The following BCAS3 variants were observed in gnomAD, a reference collection of about 807,000 sequenced individuals.
The protein encoded by BCAS3 is BCAS4/BCAS3 fusion.
BCAS3 carries 53 observed loss-of-function variants against 116.1 expected under a neutral mutation model. The ratio of observed to expected loss-of-function variants is 0.46; its 90% CI spans 0.37 to 0.57. The LOEUF (loss-of-function observed/expected upper bound fraction) is 0.57. BCAS3 is among the 20% of genes least tolerant of loss of function. The pLI, the probability that BCAS3 is intolerant of heterozygous loss-of-function variation, is 0.00. For missense variants in BCAS3, 917 were observed against 1,165.4 expected (o/e 0.79, Z 3.10); for synonymous variants, 391 against 408.2 (o/e 0.96, Z 0.51).
At position 61,239,717 on chromosome 17, in the gene BCAS3, A is replaced by G. The variant is rs1568643761; in HGVS notation, c.2426-128610A>G. On this transcript the variant is annotated intron_variant, in intron 22 of 23. Transcript: ENST00000407086. This position sits in a 1 kb window ranked among gnomAD's most constrained non-coding sequence, Gnocchi z 4.2. ...TAGTTTTTTCCTACTTAAAATTAAG[A>G]ACTTAAAGATTTTAATCAAGATAAT... Among the ~76,000 whole-genome samples the G allele has an allele frequency of 6.6e-6, 1 of 152,236 alleles. No homozygotes were observed. The highest frequency in any genetic ancestry group is 1.5e-5 in the Non-Finnish European group (1 of 68,042).
Position 60,874,739 on chromosome 17 carries a change from G to C in BCAS3, c.661+1G>C. 6.2e-7 allele frequency: 1 copy of C among 1,603,772 alleles called. No homozygotes were observed. The highest frequency in any genetic ancestry group is 8.5e-7 in the Non-Finnish European group (1 of 1,173,658). ...TTCACGAAGAAATTCTTTGTTACAA[G>C]TATGTACCAATTTTTTTTCCCTTCT... On this transcript the variant is annotated splice_donor_variant, in intron 9 of 23. Transcript: ENST00000407086. LOFTEE classifies it high-confidence loss of function.
In BCAS3 at chr17:60,694,241, GCTTGTAATCCCAACACTTTGGGAGGCTGA is replaced by G. The variant is rs1291557726; in HGVS notation, c.214+4481_214+4509del. Among the ~76,000 whole-genome samples the G allele has an allele frequency of 6.8e-3, 1,024 of 151,300 alleles. 11 individuals carry two copies. Among genetic ancestry groups the G allele is most frequent in the African/African-American group, 0.022 (900 of 40,994 alleles). The stretch of plus-strand genomic sequence containing the variant: ...TTATTGGCTGGGCGTGGTGGCTCAT[GCTTGTAATCCCAACACTTTGGGAGGCTGA>G]GGTGAGCAGATCACAAGGTCAAGAG... On this transcript the variant is annotated intron_variant, in intron 4 of 23. Coordinates refer to ENST00000407086, the MANE Select transcript of BCAS3 (RefSeq NM_017679.5).
intron 22 of BCAS3, among the ~76,000 whole-genome samples, chr17:61,185,072 G>A (rs1307809887): frequency 6.6e-6 from 1 of 151,616 alleles, no homozygotes; most frequent in Non-Finnish European, 1.5e-5. Context: ...CACTTAAAAT[G>A]GGTGAGTTTA....
intron 22 of BCAS3, among the ~76,000 whole-genome samples, chr17:61,117,980 A>G (rs1347677329): frequency 1.3e-5 from 2 of 152,128 alleles, no homozygotes; most frequent in East Asian, 3.9e-4. Flanking sequence ...AGTCTTTGTC[A>G]GATAATTTTA....
At chr17:60,795,662 C>CTA (rs2047151322) in intron 6 of BCAS3, among the ~76,000 whole-genome samples, 1 of 152,098 alleles carries the variant, frequency 6.6e-6, no homozygotes, top group Admixed American at 6.5e-5. Context: ...TTTTCTGCAT[C>CTA]TATTGAGATG....
intron 7 of BCAS3, among the ~76,000 whole-genome samples, chr17:60,833,210 C>G (rs2051094224): frequency 6.6e-6 from 1 of 152,082 alleles, no homozygotes; most frequent in Non-Finnish European, 1.5e-5. Context: ...AATAGTCTGC[C>G]CTTGTGCATC....
At chr17:60,853,213 A>G (rs2053333765) in intron 7 of BCAS3, among the ~76,000 whole-genome samples, 1 of 152,244 alleles carries the variant, frequency 6.6e-6, no homozygotes. Context: ...GATTCTAACT[A>G]TATAATGAAA....
In BCAS3 at chr17:61,336,129, T is replaced by A. The variant is rs143101060; in HGVS notation, c.2426-32198T>A. Among the ~76,000 whole-genome samples the A allele has an allele frequency of 8.3e-4, 126 of 152,384 alleles. No homozygotes were observed. The Middle Eastern group carries it at 0.024, about 29-fold the overall frequency. ...AGGCCTCGCTAAACTCCCAGCTCCC[T>A]GGTTTGCAAAGCAAACTTCAGCCTT... On this transcript the variant is annotated intron_variant, in intron 22 of 23. Transcript: ENST00000407086.
intron 9 of BCAS3, chr17:60,887,393 T>C (rs771174428): frequency 6.5e-6 from 1 of 153,752 alleles, no homozygotes; most frequent in African/African-American, 2.4e-5. Context: ...CAGATGGAAA[T>C]GCAGAAATCA....
At position 61,365,458 on chromosome 17, in the gene BCAS3, C is replaced by T. The variant is rs896975931; in HGVS notation, c.2426-2869C>T. Among the ~76,000 whole-genome samples the T allele has an allele frequency of 3.9e-5, 6 of 152,106 alleles. No individual in the cohort carries two copies. Among genetic ancestry groups the T allele is most frequent in the East Asian group, 1.9e-4 (1 of 5,168 alleles). ...AAATGATTCTCCTGCCTCAGCCTCT[C>T]GAGTAGCTGGGATTGCAGGTGCCCG... is the stretch of plus-strand genomic sequence containing the variant. On this transcript the variant is annotated intron_variant, in intron 22 of 23. Coordinates refer to ENST00000407086, the MANE Select transcript of BCAS3 (RefSeq NM_017679.5). This position sits in a 1 kb window ranked among gnomAD's most constrained non-coding sequence, Gnocchi z 4.6.
intron 5 of BCAS3, among the ~76,000 whole-genome samples, chr17:60,715,085 G>A (rs1225579881): frequency 2.0e-5 from 3 of 150,490 alleles, no homozygotes; most frequent in South Asian, 2.1e-4. Flanking sequence ...AAATAGTTTC[G>A]TGAGATTCAA....
At chr17:60,907,186 G>T (rs1269888280) in intron 11 of BCAS3, among the ~76,000 whole-genome samples, 2 of 151,988 alleles carry the variant, frequency 1.3e-5, no homozygotes, top group East Asian at 1.9e-4. Flanking sequence ...GATTTTCCAA[G>T]TAATTTGACT....
At chr17:61,250,632 TC>T (rs1358305106) in intron 22 of BCAS3, among the ~76,000 whole-genome samples, 1 of 152,230 alleles carries the variant, frequency 6.6e-6, no homozygotes, top group Non-Finnish European at 1.5e-5. Context: ...GGGCACAGTC[TC>T]CCGTTTTCGG....
At chr17:61,295,114 G>A (rs1440537813) in intron 22 of BCAS3, among the ~76,000 whole-genome samples, 2 of 152,184 alleles carry the variant, frequency 1.3e-5, no homozygotes, top group Non-Finnish European at 2.9e-5. Context: ...TTGGAGATGT[G>A]CTGTCCCGAG....
chr17:61,006,649 T>C (rs1001292686), intron 15 of BCAS3, among the ~76,000 whole-genome samples: 1 of 152,070 alleles, frequency 6.6e-6, no homozygotes, highest in African/African-American at 2.4e-5. Context: ...TGTTAGATTA[T>C]GGAGCCTTAA....
At chr17:60,851,162 G>A (rs1250432880) in intron 7 of BCAS3, among the ~76,000 whole-genome samples, 1 of 152,196 alleles carries the variant, frequency 6.6e-6, no homozygotes, top group Admixed American at 6.5e-5. Context: ...GGCTGCAGAT[G>A]GTGAGGAAAT....
chr17:61,155,882 C>T (rs2077807265), intron 22 of BCAS3, among the ~76,000 whole-genome samples: 1 of 152,164 alleles, frequency 6.6e-6, no homozygotes, highest in African/African-American at 2.4e-5. Context: ...CCTCCTTCTT[C>T]CCTCTCCACT....
intron 16 of BCAS3, chr17:61,027,512 G>A (rs2191185): frequency 0.076 from 28,317 of 370,204 alleles, 6,478 homozygotes; most frequent in African/African-American, 0.52. Flanking sequence ...ATTCTTTCAT[G>A]TCAGTGCACA....
chr17:61,055,871 T>C (rs1327776852), intron 19 of BCAS3, among the ~76,000 whole-genome samples: 2 of 152,356 alleles, frequency 1.3e-5, no homozygotes, highest in Admixed American at 1.3e-4. Context: ...CATCTCTGAT[T>C]TTGCATTTCC....
Sources: gnomAD v4.1 joint callset for allele counts (sites outside exome capture counted in the v4.1 genomes callset) on GRCh38, gnomAD v4.1.1 for gene constraint, Gnocchi (gnomAD v3.1) non-coding constraint, MANE v1.5 for transcripts, NCBI Gene and HGNC (gene_info 2026-07-23, HGNC 2026-07-21) for gene names.